CEP192: variants seen among roughly 807,000 people sequenced by gnomAD.
CEP192 encodes the protein centrosomal protein 192, also known as centrosomal protein of 192 kDa.
Under a neutral mutation model 271.8 loss-of-function variants are expected in CEP192, and 151 were observed. The observed-to-expected ratio is 0.56, with a 90% confidence interval of 0.49 to 0.64. The LOEUF (loss-of-function observed/expected upper bound fraction) is 0.64, where lower values mean the gene tolerates loss of function less well. Among genes scored for constraint, CEP192 ranks in the 30% least tolerant of loss-of-function variants. The pLI is 0.00. For missense variants in CEP192, 2,910 were observed against 3,020.5 expected (o/e 0.96, Z 0.86); for synonymous variants, 995 against 1,076.5 (o/e 0.92, Z 1.48).
intron 41 of CEP192, 132 bp downstream of exon 41, chr18:13,113,837 A>G: frequency 1.1e-6 from 1 of 911,736 alleles, no homozygotes; most frequent in Admixed American, 3.1e-5. Flanking sequence ...TGTCTTTATT[A>G]ATTGGCATGT....
intron 11 of CEP192, among the ~76,000 whole-genome samples, chr18:13,032,139 G>A (rs1027856054): frequency 5.3e-5 from 8 of 152,132 alleles, no homozygotes; most frequent in Admixed American, 5.2e-4. Context: ...CTGGTAGTTA[G>A]GGTTGTTTGG....
At chr18:13,070,280 ACT>A (rs1214976008) in intron 27 of CEP192, among the ~76,000 whole-genome samples, 2 of 152,090 alleles carry the variant, frequency 1.3e-5, no homozygotes, top group Non-Finnish European at 2.9e-5. Flanking sequence ...ACATGGTGTG[ACT>A]CTGTTTAATC....
rs1289370108 is a variant in CEP192, at chr18:13,070,640, C to T, written c.5175-399C>T. ...CTCTGAGACACACATGGCTTATCCC[C>T]CTGCCTGGGTTATAGAACACTTTAT... On this transcript the variant is annotated intron_variant, in intron 27 of 44. Coordinates refer to ENST00000506447, the MANE Select transcript of CEP192 (RefSeq NM_032142.4). Among the ~76,000 whole-genome samples, 7 of 152,198 alleles carry T rather than the reference C, an allele frequency of 4.6e-5. No individual in the cohort carries two copies. The East Asian group carries it at 1.3e-3, about 29-fold the overall frequency.
chr18:13,072,126 T>C (rs1242133319), intron 28 of CEP192, among the ~76,000 whole-genome samples: 1 of 152,212 alleles, frequency 6.6e-6, no homozygotes, highest in African/African-American at 2.4e-5. Flanking sequence ...CCTCAGCTGC[T>C]GATTTATTAG....
intron 29 of CEP192, 73 bp downstream of exon 29, chr18:13,072,918 G>T: frequency 6.5e-7 from 1 of 1,533,894 alleles, no homozygotes. Context: ...AGACCTTTTT[G>T]TGTTATTTAG....
intron 30 of CEP192, among the ~76,000 whole-genome samples, chr18:13,082,262 G>A (rs1018229190): frequency 6.6e-6 from 1 of 152,078 alleles, no homozygotes; most frequent in Non-Finnish European, 1.5e-5. Context: ...AGGTCTCTGA[G>A]GACTTGCTTT....
chr18:13,070,377 C>A (rs1260855034), intron 27 of CEP192, among the ~76,000 whole-genome samples: 1 of 152,150 alleles, frequency 6.6e-6, no homozygotes, highest in East Asian at 1.9e-4. Context: ...GAATAAATTA[C>A]TATTTTCAAG....
intron 38 of CEP192, 56 bp from the exon 39 acceptor site, chr18:13,103,453 T>C (rs896647993): frequency 7.2e-7 from 1 of 1,397,372 alleles, no homozygotes; most frequent in African/African-American, 1.4e-5. Flanking sequence ...GTCACAGTCA[T>C]CTGCTTGTTC....
intron 18 of CEP192, 110 bp from the exon 19 acceptor site, chr18:13,055,670 A>G: frequency 1.4e-6 from 1 of 711,246 alleles, no homozygotes; most frequent in Non-Finnish European, 2.2e-6. Context: ...TTTTTTTCAA[A>G]GAGACACCTC....
chr18:13,032,456 A>G (rs980510692), intron 11 of CEP192, among the ~76,000 whole-genome samples: 15 of 152,162 alleles, frequency 9.9e-5, no homozygotes, highest in African/African-American at 3.6e-4. Flanking sequence ...GCTCAATGAT[A>G]TCTTGATCTA....
intron 38 of CEP192, among the ~76,000 whole-genome samples, chr18:13,102,764 G>A (rs1490345961): frequency 3.9e-5 from 6 of 152,140 alleles, no homozygotes; most frequent in African/African-American, 9.7e-5. Context: ...GCAGGGTCCC[G>A]GCCCAGCCTG....
intron 40 of CEP192, among the ~76,000 whole-genome samples, chr18:13,106,577 C>G (rs893537350): frequency 6.6e-6 from 1 of 151,200 alleles, no homozygotes; most frequent in Non-Finnish European, 1.5e-5. Flanking sequence ...AACCACACCC[C>G]ACACAGCTAC....
chr18:13,032,540 G>A lies in CEP192; in HGVS notation c.1534+1932G>A, dbSNP rs1192085179. Among the ~76,000 whole-genome samples the A allele has an allele frequency of 3.3e-5, 5 of 152,114 alleles. No homozygotes were observed. The South Asian group carries it at 8.3e-4, about 25-fold the overall frequency. On this transcript the variant is annotated intron_variant, in intron 11 of 44. Coordinates refer to ENST00000506447, the MANE Select transcript of CEP192 (RefSeq NM_032142.4). ...ATGGAATTCTCATGTGTTGCTGGTG[G>A]GAGTGTAAATTGGTACAGCCATTTT...
At chr18:13,080,540 G>A (rs1215723259) in intron 30 of CEP192, among the ~76,000 whole-genome samples, 6 of 152,202 alleles carry the variant, frequency 3.9e-5, no homozygotes, top group Non-Finnish European at 7.4e-5. Flanking sequence ...ATTTTGGGCT[G>A]AGACGATGGG....
At chr18:13,052,538 GTGTGAC>G (rs1317901704) in intron 17 of CEP192, among the ~76,000 whole-genome samples, 1 of 152,190 alleles carries the variant, frequency 6.6e-6, no homozygotes, top group Non-Finnish European at 1.5e-5. Context: ...CCACAGTGGT[GTGTGAC>G]TGTTCCCATT....
chr18:13,091,567 C>A (rs2039147667), intron 33 of CEP192, among the ~76,000 whole-genome samples: 1 of 152,156 alleles, frequency 6.6e-6, no homozygotes, highest in African/African-American at 2.4e-5. Flanking sequence ...CTTGCTTTTA[C>A]AAAATGTGTA....
intron 15 of CEP192, among the ~76,000 whole-genome samples, chr18:13,045,118 T>G (rs983597649): frequency 2.6e-5 from 4 of 152,184 alleles, no homozygotes; most frequent in African/African-American, 9.7e-5. Context: ...ATTCTATAAT[T>G]GACTGTTTTC....
In CEP192 at chr18:13,068,874, A is replaced by G. The variant is rs1461423833; in HGVS notation, c.4845A>G (p.Glu1615=). 1.5e-5 allele frequency: 25 copies of G among 1,614,212 alleles called. No individual in the cohort carries two copies. Among genetic ancestry groups the G allele is most frequent in the Non-Finnish European group, 2.1e-5 (25 of 1,180,036 alleles). ...SSSDILDSAE[E]FSAKVDIEVD... ...TAGATATTCTGGACTCAGCAGAAGAATTCTCGGCAAAAGTTGATATCGAAG... is the reference window on the plus strand; with the variant it reads ...TAGATATTCTGGACTCAGCAGAAGAGTTCTCGGCAAAAGTTGATATCGAAG... The change falls in exon 25 of 45, where the codon GAA becomes GAG. Residue 1615 remains glutamate, a synonymous_variant. Coordinates refer to ENST00000506447, the MANE Select transcript of CEP192 (RefSeq NM_032142.4).
chr18:13,094,999 G>A (rs1302124045), intron 34 of CEP192, among the ~76,000 whole-genome samples: 2 of 152,128 alleles, frequency 1.3e-5, no homozygotes, highest in African/African-American at 2.4e-5. Context: ...TTCCCTGCAA[G>A]TCCCAGTGCC....
Sources: gnomAD v4.1 joint callset for allele counts (sites outside exome capture counted in the v4.1 genomes callset) on GRCh38, gnomAD v4.1.1 for gene constraint, MANE v1.5 for transcripts, NCBI Gene and HGNC (gene_info 2026-07-23, HGNC 2026-07-21) for gene names.